Variants in IL1RAPL2 observed in about 807,000 individuals in gnomAD.
IL1RAPL2 encodes interleukin 1 receptor accessory protein like 2.
In IL1RAPL2, 3 loss-of-function variants were observed where a neutral mutation model predicts 44.1. The observed-to-expected ratio is 0.07, with a 90% CI of 0.03 to 0.18. IL1RAPL2 has a LOEUF of 0.18. Among genes scored for constraint, IL1RAPL2 ranks in the 10% least tolerant of loss-of-function variants. The pLI is 1.00. For missense variants in IL1RAPL2, 391 were observed against 496.4 expected, an observed-to-expected ratio of 0.79 and a Z score of 2.02; for synonymous variants, 181 against 178.8, an observed-to-expected ratio of 1.01 and a Z score of -0.10.
chrX:105,410,284 G>T (rs1412783327), intron 5 of IL1RAPL2, among the ~76,000 whole-genome samples: 3 of 110,158 alleles, frequency 2.7e-5, no homozygotes, highest in Non-Finnish European at 5.7e-5. Context: ...TGAAGCAGAG[G>T]AGGAGAAGTT....
At chrX:104,748,496 G>A (rs184855898) in intron 2 of IL1RAPL2, among the ~76,000 whole-genome samples, 1 of 111,402 alleles carries the variant, frequency 9.0e-6, no homozygotes, top group East Asian at 2.8e-4. Context: ...ATAGAATACA[G>A]TGAAAGTGAC....
intron 2 of IL1RAPL2, among the ~76,000 whole-genome samples, chrX:105,109,678 G>T (rs1161519456): frequency 9.0e-6 from 1 of 111,701 alleles, no homozygotes; most frequent in Non-Finnish European, 1.9e-5. Flanking sequence ...ATTACATAGG[G>T]GTGATGGTTG....
At position 105,253,893 on chromosome X, in the gene IL1RAPL2, A is replaced by G. The variant is rs974099343; in HGVS notation, c.544-13495A>G. ...AAAAGACTTGATGTCATTCTTTTTT[A>G]TGTCTGCATAGTGTTCCATGGTGAT... On this transcript the variant is annotated intron_variant, in intron 4 of 10. Coordinates refer to ENST00000372582, the MANE Select transcript of IL1RAPL2 (RefSeq NM_017416.2). Among the ~76,000 whole-genome samples, 3 of 111,754 alleles carry G rather than the reference A, an allele frequency of 2.7e-5. No individual in the cohort carries two copies. The Admixed American group carries it at 2.8e-4, about 11-fold the overall frequency.
chrX:105,090,849 G>C (rs1489335799), intron 2 of IL1RAPL2, among the ~76,000 whole-genome samples: 2 of 111,487 alleles, frequency 1.8e-5, no homozygotes, highest in African/African-American at 3.3e-5. Flanking sequence ...GGTCTTATTG[G>C]TTTCATCTAA....
intron 2 of IL1RAPL2, among the ~76,000 whole-genome samples, chrX:104,809,738 T>C (rs1160351404): frequency 9.0e-6 from 1 of 110,572 alleles, no homozygotes; most frequent in Non-Finnish European, 1.9e-5. Flanking sequence ...TTTAGTTAGA[T>C]CCCATTTGTC....
chrX:104,657,046 C>A (rs939024244), intron 1 of IL1RAPL2, among the ~76,000 whole-genome samples: 1 of 110,785 alleles, frequency 9.0e-6, no homozygotes, highest in Admixed American at 9.7e-5. Flanking sequence ...TTCCTCCATC[C>A]CTTTATTTTG....
At chrX:105,555,651 T>C (rs1602465906) in intron 6 of IL1RAPL2, among the ~76,000 whole-genome samples, 1 of 112,259 alleles carries the variant, frequency 8.9e-6, no homozygotes, top group Non-Finnish European at 1.9e-5. Flanking sequence ...TCCTTGTTAG[T>C]TGAAATCCAG....
At chrX:105,533,476 G>T (rs935563813) in intron 6 of IL1RAPL2, among the ~76,000 whole-genome samples, 5 of 111,662 alleles carry the variant, frequency 4.5e-5, no homozygotes, top group Admixed American at 9.5e-5. Flanking sequence ...TACCATTTGT[G>T]TTCATGTGTG....
intron 2 of IL1RAPL2, among the ~76,000 whole-genome samples, chrX:104,799,454 A>C (rs1459213690): frequency 9.0e-6 from 1 of 111,060 alleles, no homozygotes; most frequent in East Asian, 2.8e-4. Flanking sequence ...GAGGTTATGG[A>C]GCTTGGCAGG....
At chrX:104,752,799 T>A (rs1325474118) in intron 2 of IL1RAPL2, among the ~76,000 whole-genome samples, 3 of 110,935 alleles carry the variant, frequency 2.7e-5, no homozygotes, top group African/African-American at 9.8e-5. Flanking sequence ...TAGTTCTTGG[T>A]TGAACATGGT....
intron 6 of IL1RAPL2, among the ~76,000 whole-genome samples, chrX:105,542,782 G>A (rs2036754874): frequency 1.0e-5 from 1 of 99,348 alleles, no homozygotes; most frequent in Non-Finnish European, 2.0e-5. Context: ...CGCCCAGGCT[G>A]GAGTGCAGTG....
At chrX:105,588,755 A>G (rs200100846) in intron 6 of IL1RAPL2, among the ~76,000 whole-genome samples, 8 of 112,027 alleles carry the variant, frequency 7.1e-5, no homozygotes, top group Non-Finnish European at 1.5e-4. Context: ...ATTCCATGGT[A>G]TATATGTACC....
chrX:104,932,171 C>A (rs896821617), intron 2 of IL1RAPL2, among the ~76,000 whole-genome samples: 3 of 107,814 alleles, frequency 2.8e-5, no homozygotes, highest in Non-Finnish European at 5.7e-5. Flanking sequence ...GCTAATTTTT[C>A]TCTTTTTAGT....
At chrX:105,372,645 C>T (rs1377912541) in intron 5 of IL1RAPL2, among the ~76,000 whole-genome samples, 6 of 110,732 alleles carry the variant, frequency 5.4e-5, no homozygotes, top group East Asian at 5.7e-4. Context: ...CTCCACCCTC[C>T]GGTAGGCCCC....
At chrX:104,677,138 G>A (rs968921088) in intron 2 of IL1RAPL2, among the ~76,000 whole-genome samples, 30 of 112,157 alleles carry the variant, frequency 2.7e-4, no homozygotes, top group African/African-American at 8.7e-4. Context: ...CGTTGCTGGT[G>A]AGGAATTGCG....
intron 5 of IL1RAPL2, among the ~76,000 whole-genome samples, chrX:105,340,537 C>T (rs187804198): frequency 8.9e-6 from 1 of 111,960 alleles, no homozygotes; most frequent in African/African-American, 3.2e-5. Context: ...TTCCTCTCTC[C>T]TTCACTCCCT....
chrX:105,028,677 T>G lies in IL1RAPL2; in HGVS notation c.83-166798T>G, dbSNP rs774857216. 4.5e-5 allele frequency among the ~76,000 whole-genome samples: 5 copies of G among 110,288 alleles called. No homozygotes were observed. In the East Asian group the frequency reaches 1.4e-3, roughly 32 times the overall value. On this transcript the variant is annotated intron_variant, in intron 2 of 10. Coordinates refer to ENST00000372582, the MANE Select transcript of IL1RAPL2 (RefSeq NM_017416.2). ...CTTATCAGTAATAATGATGCCAAGA[T>G]TGCTGAAGTTGATCAAGGATTGACT...
intron 2 of IL1RAPL2, among the ~76,000 whole-genome samples, chrX:105,109,456 A>G (rs1438522250): frequency 2.7e-5 from 3 of 112,309 alleles, no homozygotes; most frequent in Non-Finnish European, 3.8e-5. Context: ...TCATTATACA[A>G]CAAAAATGAA....
chrX:105,243,605 A>ATGTGTATATATATATATATATT (rs1556211250), intron 4 of IL1RAPL2, among the ~76,000 whole-genome samples: 14 of 97,380 alleles, frequency 1.4e-4, no homozygotes, highest in African/African-American at 5.5e-4. Flanking sequence ...ATATATATAT[A>ATGTGTATATATATATATATATT]TTTTTTTTTT....
Sources: gnomAD v4.1 joint callset for allele counts (sites outside exome capture counted in the v4.1 genomes callset) on GRCh38, gnomAD v4.1.1 for gene constraint, MANE v1.5 for transcripts, NCBI Gene and HGNC (gene_info 2026-07-23, HGNC 2026-07-21) for gene names.